Variants in RPS6KL1 observed in about 807,000 individuals in gnomAD.
RPS6KL1 encodes the protein ribosomal protein S6 kinase-like 1.
Under a neutral mutation model 57.0 loss-of-function variants are expected in RPS6KL1, and 41 were observed. That is an observed-to-expected ratio of 0.72 (90% CI 0.56 to 0.93). The LOEUF is 0.93. Among genes scored for constraint, RPS6KL1 ranks in the 40% least tolerant of loss-of-function variants. The pLI, the probability that RPS6KL1 is intolerant of heterozygous loss-of-function variation, is 0.00. For synonymous variants in RPS6KL1, 287 were observed against 309.7 expected, an observed-to-expected ratio of 0.93 and a Z score of 0.77; for missense variants, 697 against 727.7, an observed-to-expected ratio of 0.96 and a Z score of 0.49.
At chr14:74,921,619 C>T in intron 2 of RPS6KL1, 58 bp from the exon 3 acceptor site, 1 of 1,520,960 alleles carries the variant, frequency 6.6e-7, no homozygotes, top group Non-Finnish European at 8.8e-7. Context: ...CCTATCCGCA[C>T]CCCAGTTTCC....
chr14:74,919,694 G>A (rs997036456), intron 4 of RPS6KL1, 151 bp downstream of exon 4: 22 of 790,268 alleles, frequency 2.8e-5, no homozygotes, highest in Non-Finnish European at 4.1e-5. Context: ...AAGAAGATGG[G>A]CCGCCCTGGC....
intron 4 of RPS6KL1, 40 bp downstream of exon 4, chr14:74,919,802 CCCT>C: frequency 6.2e-7 from 1 of 1,603,176 alleles, no homozygotes; most frequent in South Asian, 1.1e-5. Context: ...CCCCTCAGAG[CCCT>C]CCTCCCGCTC....
At position 74,921,525 on chromosome 14, in the gene RPS6KL1, C is replaced by T; in HGVS notation, c.17G>A (p.Cys6Tyr). MSLVA[C>Y]ECLPSPGLEP... The stretch of plus-strand genomic sequence containing the variant: ...CAGGCCGGGGCTGGGCAGGCACTCA[C>T]AGGCCACCAGGCTCATGGCTGCCCT... Residue 6 changes from cysteine (C) to tyrosine (Y), a missense_variant, in exon 3 of 12, where the codon TGT becomes TAT. Transcript: ENST00000557413. The T allele has an allele frequency of 2.5e-6, 4 of 1,613,930 alleles. No individual in the cohort carries two copies. In the South Asian group the frequency reaches 4.4e-5, roughly 18 times the overall value.
Position 74,921,398 on chromosome 14 carries a change from G to A in RPS6KL1, c.144C>T (p.Asp48=). The change falls in exon 3 of 12, where the codon GAC becomes GAT. Residue 48 remains aspartate, a synonymous_variant. Transcript: ENST00000557413. ...TCTGCGTGGCCGCATCCACCAGATA[G>A]TCACGTTTTGTCATGTCAGGCACTC... The part of the protein sequence containing the change: ...ALGVPDMTKR[D]YLVDAATQIR... 6.2e-7 allele frequency: 1 copy of A among 1,614,286 alleles called. No homozygotes were observed. Among genetic ancestry groups the A allele is most frequent in the Non-Finnish European group, 8.5e-7 (1 of 1,180,054 alleles).
At chr14:74,919,387 G>A (rs1887408943) in intron 4 of RPS6KL1, among the ~76,000 whole-genome samples, 1 of 152,230 alleles carries the variant, frequency 6.6e-6, no homozygotes, top group Admixed American at 6.5e-5. Flanking sequence ...CTGGTTTAGA[G>A]AAAGCCATGT....
In RPS6KL1 at chr14:74,906,928, A is replaced by T. The variant is rs200018731; in HGVS notation, c.*86T>A. On this transcript the variant is annotated 3_prime_UTR_variant, in exon 12 of 12. Coordinates refer to ENST00000557413, the MANE Select transcript of RPS6KL1 (RefSeq NM_031464.5). ...CATTCCTCGCCCAAAGCCCGCTGAT[A>T]GAGGGCCAGCCCTGGGTTGGGTGTC... is the stretch of plus-strand genomic sequence containing the variant. 2 of 931,362 alleles carry T rather than the reference A, an allele frequency of 2.1e-6. No individual in the cohort carries two copies. Among genetic ancestry groups the T allele is most frequent in the Non-Finnish European group, 3.4e-6 (2 of 586,122 alleles). 57.7% of individuals were successfully genotyped at this position (931,362 alleles called of 1,614,324 possible). A position where few individuals can be genotyped will look rare whatever the true frequency, so the allele number is the denominator to read the frequency against.
In RPS6KL1 at chr14:74,921,508, G is replaced by T; in HGVS notation, c.34C>A (p.Pro12Thr). Reference protein sequence around the residue: ...SLVACECLPSPGLEPEPCSRA... With the variant: ...SLVACECLPSTGLEPEPCSRA... ...GAGCAAGGCTCAGGCTCCAGGCCGG[G>T]GCTGGGCAGGCACTCACAGGCCACC... Residue 12 changes from proline (P) to threonine (T), a missense_variant, in exon 3 of 12, where the codon CCC (proline) becomes ACC (threonine). Physicochemically the swap from Pro to Thr is conservative, Grantham distance 38. Transcript: ENST00000557413. The T allele has an allele frequency of 6.2e-7, 1 of 1,613,910 alleles. No individual in the cohort carries two copies. The highest frequency in any genetic ancestry group is 1.7e-5 in the Admixed American group (1 of 59,962).
At chr14:74,921,238 T>TCCCCCCCCCCCCCCCCCC in intron 3 of RPS6KL1, 39 bp downstream of exon 3, 13 of 840,024 alleles carry the variant, frequency 1.5e-5, no homozygotes, top group East Asian at 5.3e-5. Context: ...CACTGGCCCT[T>TCCCCCCCCCCCCCCCCCC]CCCCACCCAC....
At chr14:74,909,245 G>A (rs1381571769) in intron 8 of RPS6KL1, 55 bp from the exon 9 acceptor site, 12 of 1,546,036 alleles carry the variant, frequency 7.8e-6, no homozygotes, top group African/African-American at 2.7e-5. Context: ...CTGATACAGG[G>A]GAGGGGGTTG....
intron 10 of RPS6KL1, 82 bp downstream of exon 10, chr14:74,908,768 A>G (rs555010092): frequency 7.8e-7 from 1 of 1,275,710 alleles, no homozygotes; most frequent in African/African-American, 1.5e-5. Context: ...GTCTCTGCCC[A>G]GACTGGCTGG....
chr14:74,908,498 C>T (rs1885298532), intron 10 of RPS6KL1, among the ~76,000 whole-genome samples: 1 of 152,088 alleles, frequency 6.6e-6, no homozygotes, highest in African/African-American at 2.4e-5. Context: ...CCAACGAGGT[C>T]ATGGGTGGGA....
Position 74,906,513 on chromosome 14 carries a change from G to A in RPS6KL1, c.*501C>T, listed in dbSNP as rs180681589. On this transcript the variant is annotated 3_prime_UTR_variant, in exon 12 of 12. Coordinates refer to ENST00000557413, the MANE Select transcript of RPS6KL1 (RefSeq NM_031464.5). ...CTCCCCAGCTGCACGAACAGCTTCT[G>A]GTGGAAGAGGCCTACTCGCTGTGTG... is the stretch of plus-strand genomic sequence containing the variant. The A allele has an allele frequency of 2.0e-6, 1 of 499,152 alleles. No individual in the cohort carries two copies. The highest frequency in any genetic ancestry group is 1.9e-5 in the African/African-American group (1 of 51,610). 30.9% of individuals were successfully genotyped at this position (499,152 alleles called of 1,614,324 possible). A position where few individuals can be genotyped will look rare whatever the true frequency, so the allele number is the denominator to read the frequency against.
chr14:74,909,325 A>G (rs1231559055), intron 8 of RPS6KL1, 135 bp from the exon 9 acceptor site: 1 of 1,017,636 alleles, frequency 9.8e-7, no homozygotes, highest in South Asian at 1.5e-5. Flanking sequence ...GCAGGGGCAC[A>G]GCACCCTCCA....
At position 74,906,586 on chromosome 14, in the gene RPS6KL1, T is replaced by C. The variant is rs1362641249; in HGVS notation, c.*428A>G. The C allele has an allele frequency of 5.7e-6, 3 of 530,738 alleles. No homozygotes were observed. Among genetic ancestry groups the C allele is most frequent in the Admixed American group, 2.0e-5 (1 of 50,868 alleles). The allele number at this position is 530,738 out of a possible 1,614,324, so 32.9% of individuals were successfully genotyped here. ...GTCTGGTTTGGGTCCACTGAGCCAG[T>C]GGATCAGTGTCCTGAGATGAGTCTC... On this transcript the variant is annotated 3_prime_UTR_variant, in exon 12 of 12. Transcript: ENST00000557413.
intron 5 of RPS6KL1, among the ~76,000 whole-genome samples, chr14:74,913,083 G>A (rs1163250112): frequency 6.6e-6 from 1 of 152,256 alleles, no homozygotes; most frequent in Admixed American, 6.5e-5. Context: ...GTCGGGGTGG[G>A]AACTGGGCCC....
chr14:74,921,369 C>G lies in RPS6KL1; in HGVS notation c.173G>C (p.Arg58Pro). The part of the protein sequence containing the change: ...DYLVDAATQI[R>P]LALERDVSED... ...ACTAACATCGCGCTCCAGGGCCAGC[C>G]GGATCTGCGTGGCCGCATCCACCAG... Residue 58 changes from arginine (R) to proline (P), a missense_variant, in exon 3 of 12, where the codon CGG becomes CCG. By Grantham distance (103) the Arg-to-Pro change is moderately radical. Transcript: ENST00000557413. 6.2e-7 allele frequency: 1 copy of G among 1,614,260 alleles called. No homozygotes were observed. Among genetic ancestry groups the G allele is most frequent in the Non-Finnish European group, 8.5e-7 (1 of 1,180,048 alleles).
intron 5 of RPS6KL1, among the ~76,000 whole-genome samples, chr14:74,913,034 C>CCCT (rs1886285651): frequency 6.6e-6 from 1 of 152,238 alleles, no homozygotes; most frequent in Non-Finnish European, 1.5e-5. Context: ...TGTTGGCCTG[C>CCCT]CCTGCGGACA....
At chr14:74,907,917 G>A (rs565672940) in intron 10 of RPS6KL1, among the ~76,000 whole-genome samples, 4 of 152,290 alleles carry the variant, frequency 2.6e-5, no homozygotes, top group Admixed American at 1.3e-4. Context: ...TGCTACCATC[G>A]GGGCCAAGGC....
intron 8 of RPS6KL1, 132 bp from the exon 9 acceptor site, chr14:74,909,322 C>T: frequency 6.8e-6 from 7 of 1,028,556 alleles, no homozygotes; most frequent in South Asian, 4.3e-5. Flanking sequence ...TCGGCAGGGG[C>T]ACAGCACCCT....
Sources: allele counts gnomAD v4.1 joint callset (sites outside exome capture counted in the v4.1 genomes callset), GRCh38; gene constraint gnomAD v4.1.1; transcripts MANE v1.5; gene names NCBI Gene and HGNC (gene_info 2026-07-23, HGNC 2026-07-21).